The following SUMF1 variants were observed in gnomAD, a reference collection of about 807,000 sequenced individuals.
The protein encoded by SUMF1 is sulfatase modifying factor 1.
Under a neutral mutation model 47.6 loss-of-function variants are expected in SUMF1, and 48 were observed. The ratio of observed to expected loss-of-function variants is 1.01; its 90% CI spans 0.80 to 1.28. SUMF1 has a LOEUF of 1.28. Among genes scored for constraint, SUMF1 ranks in the 50% most tolerant of loss-of-function variants. The pLI is 0.00. For missense variants in SUMF1, 571 were observed against 485.4 expected, an observed-to-expected ratio of 1.18 and a Z score of -1.66; for synonymous variants, 230 against 192.1, an observed-to-expected ratio of 1.20 and a Z score of -1.63.
chr3:4,087,126 C>T (rs1345304359), intron 8 of SUMF1, among the ~76,000 whole-genome samples: 1 of 152,104 alleles, frequency 6.6e-6, no homozygotes, highest in Non-Finnish European at 1.5e-5. Context: ...TGGCGCTGAG[C>T]AACTTTGGAG....
intron 9 of SUMF1, among the ~76,000 whole-genome samples, chr3:4,041,869 T>C (rs1199207060): frequency 1.3e-5 from 2 of 152,280 alleles, no homozygotes. Context: ...TGTGGTGTCT[T>C]CCCAGATAAG....
chr3:4,424,891 C>T (rs931918077), intron 3 of SUMF1, among the ~76,000 whole-genome samples: 1 of 152,196 alleles, frequency 6.6e-6, no homozygotes, highest in East Asian at 1.9e-4. Context: ...CAGGTTTTCT[C>T]AACCTCAGCA....
intron 8 of SUMF1, among the ~76,000 whole-genome samples, chr3:4,266,578 T>C (rs1390860195): frequency 7.1e-6 from 1 of 140,912 alleles, no homozygotes; most frequent in Non-Finnish European, 1.6e-5. Flanking sequence ...TGACTTTGTA[T>C]CCTGAGACTT....
At chr3:4,403,935 G>C (rs1239965485) in intron 7 of SUMF1, among the ~76,000 whole-genome samples, 1 of 152,204 alleles carries the variant, frequency 6.6e-6, no homozygotes, top group Non-Finnish European at 1.5e-5. Flanking sequence ...TGCTCAGGAA[G>C]AATCAGTAGT....
At chr3:4,420,554 G>T (rs1701862137) in intron 3 of SUMF1, among the ~76,000 whole-genome samples, 1 of 151,966 alleles carries the variant, frequency 6.6e-6, no homozygotes. Flanking sequence ...GTGCCAGCAA[G>T]CCCAGCGAAT....
chr3:4,429,237 G>A (rs1298753546), intron 3 of SUMF1, among the ~76,000 whole-genome samples: 1 of 152,156 alleles, frequency 6.6e-6, no homozygotes, highest in African/African-American at 2.4e-5. Context: ...TAGATGGTAC[G>A]GTTAGTTTCC....
chr3:4,287,127 T>C (rs310730), intron 8 of SUMF1, among the ~76,000 whole-genome samples: 21,746 of 152,176 alleles, frequency 0.14, 1,931 homozygotes, highest in South Asian at 0.36. Flanking sequence ...TGCTATATGT[T>C]CCTGAGTTCT....
rs193255702 is a variant in SUMF1, at chr3:4,390,004, G to A, written c.955-13615C>T. Among the ~76,000 whole-genome samples the A allele has an allele frequency of 7.2e-5, 11 of 152,208 alleles. No individual in the cohort carries two copies. The East Asian group carries it at 2.1e-3, about 29-fold the overall frequency. On this transcript the variant is annotated intron_variant, in intron 7 of 8. Coordinates refer to ENST00000272902, the MANE Select transcript of SUMF1 (RefSeq NM_182760.4). ...CTTAAATTCACTTTGATATCTTCCT[G>A]GTTCTTGGGATGGCAAGTGACTTTT...
chr3:4,372,431 C>T (rs1418756692), intron 8 of SUMF1, among the ~76,000 whole-genome samples: 1 of 151,654 alleles, frequency 6.6e-6, no homozygotes, highest in Non-Finnish European at 1.5e-5. Context: ...GATTTTTTTC[C>T]TTTTATTGAT....
chr3:4,357,312 GGT>G (rs1491386155), downstream of SUMF1, among the ~76,000 whole-genome samples: 102 of 81,926 alleles, frequency 1.2e-3, no homozygotes, highest in East Asian at 0.023. Flanking sequence ...TGTTTACGGT[GGT>G]TTTTTTTTTT....
At chr3:4,146,412 G>A (rs76436862) in intron 8 of SUMF1, among the ~76,000 whole-genome samples, 5 of 148,820 alleles carry the variant, frequency 3.4e-5, no homozygotes, top group African/African-American at 1.2e-4. Flanking sequence ...GCGAGGGGGG[G>A]AAAGGTGAAT....
downstream of SUMF1, among the ~76,000 whole-genome samples, chr3:4,360,917 C>T (rs1699736251): frequency 6.6e-6 from 1 of 152,100 alleles, no homozygotes; most frequent in Non-Finnish European, 1.5e-5. Flanking sequence ...GTGCCTTTGA[C>T]TTGGCATTAT....
chr3:4,041,742 T>A (rs1012270793), intron 9 of SUMF1, among the ~76,000 whole-genome samples: 5 of 152,156 alleles, frequency 3.3e-5, no homozygotes, highest in African/African-American at 1.2e-4. Flanking sequence ...ACACATGAGG[T>A]AACTCCAATT....
chr3:4,386,091 A>G (rs969227995), intron 7 of SUMF1, among the ~76,000 whole-genome samples: 2 of 152,130 alleles, frequency 1.3e-5, no homozygotes, highest in African/African-American at 4.8e-5. Context: ...TTATTTTTCA[A>G]AATTGTTTTA....
chr3:4,144,274 T>C (rs971146920), intron 8 of SUMF1, among the ~76,000 whole-genome samples: 4 of 152,088 alleles, frequency 2.6e-5, no homozygotes, highest in African/African-American at 7.2e-5. Context: ...GCCCACTTTC[T>C]TCTTATAGTG....
intron 8 of SUMF1, among the ~76,000 whole-genome samples, chr3:4,210,545 G>A (rs767961141): frequency 6.6e-6 from 1 of 152,104 alleles, no homozygotes; most frequent in African/African-American, 2.4e-5. Context: ...CCCATAAATG[G>A]TGCTGGATCA....
At chr3:4,078,945 C>T (rs1692497932) in intron 8 of SUMF1, among the ~76,000 whole-genome samples, 2 of 152,042 alleles carry the variant, frequency 1.3e-5, no homozygotes, top group Non-Finnish European at 2.9e-5. Flanking sequence ...GAAGTCGCTG[C>T]AGAAGGTGTC....
intron 1 of SUMF1, among the ~76,000 whole-genome samples, chr3:4,459,412 AAG>A (rs568205689): frequency 1.3e-3 from 196 of 152,312 alleles, no homozygotes; most frequent in African/African-American, 4.6e-3. Context: ...GTTGGAAAAA[AAG>A]AGAGTCACTT....
At chr3:4,446,626 G>A (rs1423829747) in intron 3 of SUMF1, among the ~76,000 whole-genome samples, 1 of 152,180 alleles carries the variant, frequency 6.6e-6, no homozygotes, top group Non-Finnish European at 1.5e-5. Context: ...CATGGGGAAA[G>A]AACCCACCAA....
Sources: allele counts gnomAD v4.1 joint callset (sites outside exome capture counted in the v4.1 genomes callset), GRCh38; gene constraint gnomAD v4.1.1; transcripts MANE v1.5; gene names NCBI Gene and HGNC (gene_info 2026-07-23, HGNC 2026-07-21).